CSMD1: variants seen among roughly 807,000 people sequenced by gnomAD.
CSMD1 encodes CUB and Sushi multiple domains 1.
CSMD1 carries 213 observed loss-of-function variants against 417.5 expected under a neutral mutation model. The ratio of observed to expected loss-of-function variants is 0.51; its 90% CI spans 0.46 to 0.57. The LOEUF (loss-of-function observed/expected upper bound fraction) is 0.57. Ranked by LOEUF, CSMD1 falls within the 20% of genes least tolerant of loss-of-function variation. The probability of loss-of-function intolerance (pLI) is 0.00; values close to 1 mark genes in which losing one functional copy is unlikely to be tolerated. For synonymous variants in CSMD1, 2,862 were observed against 1,736.8 expected, an observed-to-expected ratio of 1.65 and a Z score of -16.11; for missense variants, 6,923 against 4,529.7, an observed-to-expected ratio of 1.53 and a Z score of -15.17.
chr8:3,241,582 G>T (rs1239955169), intron 26 of CSMD1, among the ~76,000 whole-genome samples: 2 of 152,180 alleles, frequency 1.3e-5, no homozygotes, highest in African/African-American at 2.4e-5. Flanking sequence ...TGAACAGTCT[G>T]ATTTTCAGTG....
At chr8:2,966,909 C>T (rs1472474277) in intron 57 of CSMD1, among the ~76,000 whole-genome samples, 163 bp from the exon 58 acceptor site, 1 of 152,166 alleles carries the variant, frequency 6.6e-6, no homozygotes, top group Non-Finnish European at 1.5e-5. Context: ...TACTATGGCT[C>T]ATATGTTTAT....
intron 3 of CSMD1, among the ~76,000 whole-genome samples, chr8:4,067,448 G>T (rs886820746): frequency 6.6e-6 from 1 of 151,640 alleles, no homozygotes; most frequent in Admixed American, 6.6e-5. Context: ...TTGTTATACA[G>T]TGGTATATCA....
chr8:3,989,934 T>G (rs1010807734), intron 5 of CSMD1, among the ~76,000 whole-genome samples: 3 of 152,088 alleles, frequency 2.0e-5, no homozygotes, highest in Non-Finnish European at 4.4e-5. Context: ...AAGAGAAAAA[T>G]TAGATATTCA....
Position 4,854,591 on chromosome 8 carries a change from C to A in CSMD1, c.85+139741G>T, listed in dbSNP as rs1013473717. Among the ~76,000 whole-genome samples, 6 of 152,174 alleles carry A rather than the reference C, an allele frequency of 3.9e-5. No individual in the cohort carries two copies. In the South Asian group the frequency reaches 1.2e-3, roughly 31 times the overall value. Reference sequence around the variant, plus strand: ...TGAGCTGAAGCAGGGCGAGGCATTGCCTCACTTGGGAAGCGGAAGGGGTCA... The same window carrying A: ...TGAGCTGAAGCAGGGCGAGGCATTGACTCACTTGGGAAGCGGAAGGGGTCA... On this transcript the variant is annotated intron_variant, in intron 1 of 69. Coordinates refer to ENST00000635120, the MANE Select transcript of CSMD1 (RefSeq NM_033225.6).
At chr8:4,640,345 G>T (rs997346002) in intron 1 of CSMD1, among the ~76,000 whole-genome samples, 1 of 152,114 alleles carries the variant, frequency 6.6e-6, no homozygotes, top group Non-Finnish European at 1.5e-5. Flanking sequence ...AGATAGAATC[G>T]GATGTATTTG....
At chr8:4,731,571 A>C (rs1176501319) in intron 1 of CSMD1, among the ~76,000 whole-genome samples, 1 of 152,084 alleles carries the variant, frequency 6.6e-6, no homozygotes, top group African/African-American at 2.4e-5. Flanking sequence ...TGTTTATTGA[A>C]TATTTTGAGG....
chr8:3,376,522 C>T (rs1585074252), intron 18 of CSMD1, among the ~76,000 whole-genome samples: 1 of 152,034 alleles, frequency 6.6e-6, no homozygotes, highest in East Asian at 1.9e-4. Context: ...ACCTCCCATT[C>T]TCCGTGAAAA....
intron 10 of CSMD1, among the ~76,000 whole-genome samples, chr8:3,569,346 A>G (rs978733568): frequency 1.3e-5 from 2 of 152,242 alleles, no homozygotes; most frequent in Non-Finnish European, 2.9e-5. Context: ...GGAGTTTTAC[A>G]TAAATACTTG....
At chr8:3,339,163 A>C (rs1398567268) in intron 23 of CSMD1, among the ~76,000 whole-genome samples, 3 of 151,772 alleles carry the variant, frequency 2.0e-5, no homozygotes, top group Non-Finnish European at 4.4e-5. Flanking sequence ...AAGGACATGA[A>C]CTCATCATTT....
chr8:3,383,725 G>A (rs1000329674), intron 18 of CSMD1, among the ~76,000 whole-genome samples: 33 of 151,818 alleles, frequency 2.2e-4, no homozygotes, highest in Non-Finnish European at 3.7e-4. Context: ...TAAGATAAAC[G>A]CATGTGACCC....
chr8:4,854,092 G>A (rs1801646095), intron 1 of CSMD1, among the ~76,000 whole-genome samples: 1 of 152,130 alleles, frequency 6.6e-6, no homozygotes, highest in Non-Finnish European at 1.5e-5. Context: ...AGAGACATTG[G>A]ACATGAGACA....
intron 21 of CSMD1, among the ~76,000 whole-genome samples, chr8:3,354,891 C>CTATAGATATCTA (rs1808660776): frequency 4.2e-5 from 6 of 142,242 alleles, no homozygotes; most frequent in South Asian, 2.2e-4. Flanking sequence ...ATAGATATGT[C>CTATAGATATCTA]TATCTATAGA....
intron 5 of CSMD1, among the ~76,000 whole-genome samples, chr8:3,837,788 C>T (rs1042461863): frequency 4.6e-5 from 7 of 152,136 alleles, no homozygotes; most frequent in African/African-American, 9.7e-5. Context: ...TCTCAGACTG[C>T]ACTATCCACT....
At chr8:3,237,166 T>C (rs1799202394) in intron 26 of CSMD1, among the ~76,000 whole-genome samples, 1 of 151,564 alleles carries the variant, frequency 6.6e-6, no homozygotes, top group South Asian at 2.1e-4. Flanking sequence ...GAGATATATA[T>C]ATAGTCTCAC....
intron 3 of CSMD1, among the ~76,000 whole-genome samples, chr8:4,044,182 C>G (rs905141556): frequency 2.0e-5 from 3 of 152,218 alleles, no homozygotes; most frequent in Admixed American, 1.3e-4. Context: ...CTCATTCATT[C>G]TAAAAGTTGA....
rs1258245406 is a variant in CSMD1 at position 3,343,389 on chromosome 8, A to G, written c.3536T>C (p.Leu1179Pro). 3 of 1,613,710 alleles carry G rather than the reference A, an allele frequency of 1.9e-6. No individual in the cohort carries two copies. Among genetic ancestry groups the G allele is most frequent in the Non-Finnish European group, 1.7e-6 (2 of 1,179,766 alleles). The change falls in exon 23 of 70, where the codon CTG becomes CCG. Residue 1179 changes from leucine to proline, a missense_variant. By Grantham distance (98) the Leu-to-Pro change is moderately conservative. Transcript: ENST00000635120. ...PLGTFTKNEL[L>P]GLILNSTSNH... The stretch of plus-strand genomic sequence containing the variant: ...GGATGTGCTGTTTAGGATCAGCCCC[A>G]GAAGTTCATTTTTAGTGAACGTGCC...
intron 3 of CSMD1, among the ~76,000 whole-genome samples, chr8:4,221,132 T>A (rs1034686232): frequency 1.3e-5 from 2 of 152,040 alleles, no homozygotes; most frequent in African/African-American, 4.8e-5. Flanking sequence ...AGAATAGAAA[T>A]GTAAAGAGCG....
At chr8:3,774,441 T>G (rs1307507602) in intron 5 of CSMD1, among the ~76,000 whole-genome samples, 2 of 152,172 alleles carry the variant, frequency 1.3e-5, no homozygotes, top group Non-Finnish European at 2.9e-5. Flanking sequence ...GATATCTCCA[T>G]GCTGCCTAAT....
At chr8:4,961,795 G>A (rs1298449745) in intron 1 of CSMD1, among the ~76,000 whole-genome samples, 6 of 150,828 alleles carry the variant, frequency 4.0e-5, no homozygotes, top group African/African-American at 9.8e-5. Flanking sequence ...TTTTTGTATT[G>A]TTTGACAAAT....
Sources: allele counts gnomAD v4.1 joint callset (sites outside exome capture counted in the v4.1 genomes callset), GRCh38; gene constraint gnomAD v4.1.1; transcripts MANE v1.5; gene names NCBI Gene and HGNC (gene_info 2026-07-23, HGNC 2026-07-21).